Variants in FZD6 observed in about 807,000 individuals in gnomAD.
FZD6 encodes frizzled-6.
In FZD6, 49 loss-of-function variants were observed where a neutral mutation model predicts 61.4. The ratio of observed to expected loss-of-function variants is 0.80; its 90% CI spans 0.63 to 1.01. FZD6 has a LOEUF of 1.01. Ranked by LOEUF, FZD6 falls within the 50% of genes least tolerant of loss-of-function variation. The pLI is 0.00. For missense variants in FZD6, 724 were observed against 848.2 expected, an observed-to-expected ratio of 0.85 and a Z score of 1.82; for synonymous variants, 265 against 292.2, an observed-to-expected ratio of 0.91 and a Z score of 0.95.
chr8:103,320,693 G>A (rs2130316697), intron 3 of FZD6, among the ~76,000 whole-genome samples: 1 of 152,186 alleles, frequency 6.6e-6, no homozygotes, highest in Non-Finnish European at 1.5e-5. Context: ...TTTGGAGATA[G>A]TGTGTACTTG....
chr8:103,325,626 T>C, intron 4 of FZD6, 128 bp downstream of exon 4: 1 of 770,532 alleles, frequency 1.3e-6, no homozygotes, highest in African/African-American at 1.7e-5. Context: ...AGGTAAGGAT[T>C]TCCTATACAT....
intron 5 of FZD6, 120 bp downstream of exon 5, chr8:103,328,536 C>G: frequency 1.1e-6 from 1 of 876,106 alleles, no homozygotes. Flanking sequence ...ATTTGATTTG[C>G]CAACTGAAGT....
At position 103,300,262 on chromosome 8, in the gene FZD6, G is replaced by A. The variant is rs757230055; in HGVS notation, c.155G>A (p.Ser52Asn). Residue 52 changes from serine (S) to asparagine (N), a missense_variant, in exon 2 of 7, where the codon AGT (serine) becomes AAT (asparagine). Transcript: ENST00000358755. ...AATCTGATGGGTCATTATGACCAGAGTATTGCCGCGGTGGAAATGGAGGTG... is the reference window on the plus strand; with the variant it reads ...AATCTGATGGGTCATTATGACCAGAATATTGCCGCGGTGGAAATGGAGGTG... ...FPNLMGHYDQ[S>N]IAAVEMEHFL... 4 of 1,611,630 alleles carry A rather than the reference G, an allele frequency of 2.5e-6. No individual in the cohort carries two copies. In the South Asian group the frequency reaches 4.4e-5, roughly 18 times the overall value.
rs371360594 is a variant in FZD6 at position 103,311,793 on chromosome 8, C to G, written c.178-6797C>G. ...TTCTTCTACTCAATTCTTTGTTACC[C>G]TCTTCATAAACTTTTGAGCCATAGA... On this transcript the variant is annotated intron_variant, in intron 2 of 6. Coordinates refer to ENST00000358755, the MANE Select transcript of FZD6 (RefSeq NM_003506.4). 3.2e-4 allele frequency among the ~76,000 whole-genome samples: 48 copies of G among 152,022 alleles called. No homozygotes were observed. In the South Asian group the frequency reaches 9.4e-3, roughly 30 times the overall value.
intron 2 of FZD6, among the ~76,000 whole-genome samples, chr8:103,310,473 C>T (rs1387422384): frequency 1.3e-5 from 2 of 152,076 alleles, no homozygotes; most frequent in African/African-American, 2.4e-5. Flanking sequence ...CTATGTTGCC[C>T]CGGCTGGTCT....
rs762687532 is a variant in FZD6 at position 103,324,799 on chromosome 8, G to A, written c.693G>A (p.Glu231=). The change falls in exon 4 of 7, where the codon GAG becomes GAA. Residue 231 remains glutamate, a synonymous_variant. Coordinates refer to ENST00000358755, the MANE Select transcript of FZD6 (RefSeq NM_003506.4). ...ATGTTAGAAGATTCAGATACCCAGA[G>A]AGACCAATTATATATTACTCTGTCT... is the stretch of plus-strand genomic sequence containing the variant. ...LIDVRRFRYP[E]RPIIYYSVCY... is the part of the protein sequence containing the mutation. 6.2e-7 allele frequency: 1 copy of A among 1,612,648 alleles called. No individual in the cohort carries two copies. The highest frequency in any genetic ancestry group is 1.3e-5 in the African/African-American group (1 of 74,888).
At chr8:103,317,313 A>C (rs1323228554) in intron 2 of FZD6, among the ~76,000 whole-genome samples, 1 of 152,246 alleles carries the variant, frequency 6.6e-6, no homozygotes, top group Non-Finnish European at 1.5e-5. Context: ...GGAACACGGA[A>C]ATTTAAAGGC....
chr8:103,312,667 C>T (rs532636073), intron 2 of FZD6, among the ~76,000 whole-genome samples: 18 of 152,276 alleles, frequency 1.2e-4, no homozygotes, highest in African/African-American at 3.1e-4. Flanking sequence ...ATTTTTACTT[C>T]AAAAGACTGT....
chr8:103,331,397 A>T lies in FZD6; in HGVS notation c.2009A>T (p.Gln670Leu). 1.3e-5 allele frequency: 21 copies of T among 1,610,826 alleles called. No individual in the cohort carries two copies. Among genetic ancestry groups the T allele is most frequent in the Non-Finnish European group, 1.8e-5 (21 of 1,177,020 alleles). Residue 670 changes from glutamine to leucine, a missense_variant, in exon 7 of 7, where the codon CAG becomes CTG. Transcript: ENST00000358755. ...DTGLAQSNNL[Q>L]VPSSSEPSSL... is the part of the protein sequence containing the mutation. ...GGCCTGGCACAGAGCAACAATTTGC[A>T]GGTCCCCAGTTCTTCAGAACCAAGC...
chr8:103,313,760 C>CTCTGTGTG (rs1814557985), intron 2 of FZD6, among the ~76,000 whole-genome samples: 1 of 142,736 alleles, frequency 7.0e-6, no homozygotes, highest in South Asian at 2.3e-4. Context: ...CTTGATTTTT[C>CTCTGTGTG]TGTGTGTGTG....
Position 103,332,402 on chromosome 8 carries a change from T to G in FZD6, c.*893T>G, listed in dbSNP as rs2130353571. On this transcript the variant is annotated 3_prime_UTR_variant, in exon 7 of 7. Coordinates refer to ENST00000358755, the MANE Select transcript of FZD6 (RefSeq NM_003506.4). ...CTTACAGTTGCTTATATTTTTTGTT[T>G]TAACTTTTGTTTTTTAACATTTAGA... is the stretch of plus-strand genomic sequence containing the variant. The G allele has an allele frequency of 6.6e-6, 1 of 152,330 alleles. No individual in the cohort carries two copies. Among genetic ancestry groups the G allele is most frequent in the South Asian group, 2.1e-4 (1 of 4,832 alleles). The allele number at this position is 152,330 out of a possible 1,614,324, so 9.4% of individuals were successfully genotyped here. A position where few individuals can be genotyped will look rare whatever the true frequency, so the allele number is the denominator to read the frequency against.
At chr8:103,306,135 GGTACTCTCTTC>G (rs1814323855) in intron 2 of FZD6, among the ~76,000 whole-genome samples, 1 of 152,158 alleles carries the variant, frequency 6.6e-6, no homozygotes, top group African/African-American at 2.4e-5. Context: ...AATTTCCAAA[GGTACTCTCTTC>G]TGGAGAAATG....
rs1355142337 is a variant in FZD6 at position 103,329,908 on chromosome 8, G to A, written c.1795G>A (p.Glu599Lys). The change falls in exon 6 of 7, where the codon GAG (glutamate) becomes AAG (lysine). Residue 599 changes from glutamate to lysine, a missense_variant. Transcript: ENST00000358755. ...AACCTCACCAGAAACATCAATGAGA[G>A]AGGTGAAAGCGGACGGAGCTAGCAC... ...IQTSPETSMR[E>K]VKADGASTPR... 1 of 1,614,166 alleles carries A rather than the reference G, an allele frequency of 6.2e-7. No homozygotes were observed. The highest frequency in any genetic ancestry group is 8.5e-7 in the Non-Finnish European group (1 of 1,180,038).
chr8:103,314,760 A>G (rs2130300745), intron 2 of FZD6, among the ~76,000 whole-genome samples: 1 of 152,294 alleles, frequency 6.6e-6, no homozygotes, highest in South Asian at 2.1e-4. Flanking sequence ...ATATTTACCT[A>G]TTAATTTTTG....
At chr8:103,316,484 CT>C (rs1455259241) in intron 2 of FZD6, among the ~76,000 whole-genome samples, 2 of 152,106 alleles carry the variant, frequency 1.3e-5, no homozygotes, top group Non-Finnish European at 2.9e-5. Context: ...ATTTTCCTTC[CT>C]TGTTTATTCA....
intron 2 of FZD6, among the ~76,000 whole-genome samples, chr8:103,316,282 A>T (rs1586514565): frequency 6.6e-6 from 1 of 152,152 alleles, no homozygotes; most frequent in East Asian, 1.9e-4. Flanking sequence ...CAATTTTCCT[A>T]GTGCTCAAAA....
chr8:103,326,225 A>C (rs910611003), intron 4 of FZD6, among the ~76,000 whole-genome samples: 1 of 152,186 alleles, frequency 6.6e-6, no homozygotes, highest in Non-Finnish European at 1.5e-5. Context: ...CAAATTAAGC[A>C]ATGGGAATGT....
chr8:103,308,648 T>C (rs1563686065), intron 2 of FZD6, among the ~76,000 whole-genome samples: 1 of 152,162 alleles, frequency 6.6e-6, no homozygotes, highest in Non-Finnish European at 1.5e-5. Flanking sequence ...GAAAGAATTA[T>C]AATATGGCAG....
At chr8:103,320,395 T>C (rs562033588) in intron 3 of FZD6, among the ~76,000 whole-genome samples, 4 of 152,040 alleles carry the variant, frequency 2.6e-5, no homozygotes, top group Non-Finnish European at 5.9e-5. Context: ...AGAAGGCAGA[T>C]AGTTGTGCTC....
Sources: gnomAD v4.1 joint callset for allele counts (sites outside exome capture counted in the v4.1 genomes callset) on GRCh38, gnomAD v4.1.1 for gene constraint, MANE v1.5 for transcripts, NCBI Gene and HGNC (gene_info 2026-07-23, HGNC 2026-07-21) for gene names.